The following SYNE2 variants were observed in gnomAD, a reference collection of about 807,000 sequenced individuals.
SYNE2 encodes the protein nesprin-2.
A neutral mutation model predicts 856.3 loss-of-function variants in SYNE2; 431 were observed. The observed-to-expected ratio is 0.50, with a 90% CI of 0.47 to 0.55. The LOEUF (loss-of-function observed/expected upper bound fraction) is 0.55. SYNE2 is among the 20% of genes least tolerant of loss of function. The probability of loss-of-function intolerance (pLI) is 0.00; values close to 1 mark genes in which losing one functional copy is unlikely to be tolerated. For synonymous variants in SYNE2, 2,923 were observed against 2,872.3 expected (o/e 1.02, Z -0.56); for missense variants, 8,129 against 8,023.2 (o/e 1.01, Z -0.50).
rs753252357 is a variant in SYNE2 at position 64,120,504 on chromosome 14, C to T, written c.13024-423C>T. ...GTAGGCTGGGTGTGGTGGCTCACGC[C>T]TGTAATCCCAGCCCTTTGGGAGGCT... is the stretch of plus-strand genomic sequence containing the variant. On this transcript the variant is annotated intron_variant, in intron 67 of 115. Transcript: ENST00000555002. Among the ~76,000 whole-genome samples the T allele has an allele frequency of 1.4e-4, 22 of 152,196 alleles. 1 individual carries two copies. The highest frequency in any genetic ancestry group is 2.5e-4 in the Non-Finnish European group (17 of 68,002).
At chr14:64,097,864 G>C in intron 61 of SYNE2, 85 bp from the exon 62 acceptor site, 1 of 1,354,014 alleles carries the variant, frequency 7.4e-7, no homozygotes, top group Non-Finnish European at 1.1e-6. Flanking sequence ...AAAATCTTCA[G>C]CCCTTGTACC....
At chr14:64,027,260 T>C (rs1435294866) in intron 42 of SYNE2, among the ~76,000 whole-genome samples, 3 of 152,216 alleles carry the variant, frequency 2.0e-5, no homozygotes, top group African/African-American at 7.2e-5. Flanking sequence ...GGTCAAATTA[T>C]GTAACAGAAA....
In SYNE2 at chr14:64,007,149, G is replaced by A; in HGVS notation, c.4504G>A (p.Glu1502Lys). 1 of 1,614,066 alleles carries A rather than the reference G, an allele frequency of 6.2e-7. No homozygotes were observed. Among genetic ancestry groups the A allele is most frequent in the South Asian group, 1.1e-5 (1 of 91,078 alleles). ...NSLPHFKDGR[E>K]KTVNQQCQNT... ...TCTTCCACACTTCAAAGATGGCAGA[G>A]AAAAAACCGTGAATCAACAGTGCCA... Residue 1502 changes from glutamate (E) to lysine (K), a missense_variant, in exon 31 of 116, where the codon GAA becomes AAA. By Grantham distance (56) the Glu-to-Lys change is moderately conservative. Coordinates refer to ENST00000555002, the MANE Select transcript of SYNE2 (RefSeq NM_182914.3).
Position 64,007,230 on chromosome 14 carries a change from A to T in SYNE2, c.4577+8A>T, listed in dbSNP as rs191666782. 2 of 1,613,432 alleles carry T rather than the reference A, an allele frequency of 1.2e-6. No individual in the cohort carries two copies. Among genetic ancestry groups the T allele is most frequent in the Admixed American group, 1.7e-5 (1 of 60,014 alleles). On this transcript the variant is annotated splice_region_variant and intron_variant, in intron 31 of 115. Transcript: ENST00000555002. ...AGCCTTGGTCACCGAATGGTAAGGA[A>T]AAAAAAGAATCCCTCTTGAATCTGA...
intron 32 of SYNE2, 83 bp from the exon 33 acceptor site, chr14:64,016,390 T>C: frequency 1.1e-6 from 1 of 916,124 alleles, no homozygotes; most frequent in East Asian, 2.7e-5. Context: ...GTTTTTAAGC[T>C]CAATATCCAA....
chr14:63,797,460 TA>T, intron 1 of SYNE2, among the ~76,000 whole-genome samples: 2 of 152,294 alleles, frequency 1.3e-5, no homozygotes, highest in South Asian at 4.1e-4. Flanking sequence ...GTTGACAAGT[TA>T]TTCAACTTGT....
In SYNE2 at chr14:63,925,144, A is replaced by AATAG. The variant is rs923893123; in HGVS notation, c.80-15456_80-15453dup. Among the ~76,000 whole-genome samples the AATAG allele has an allele frequency of 2.2e-4, 34 of 151,806 alleles. No individual in the cohort carries two copies. In the East Asian group the frequency reaches 6.6e-3, roughly 30 times the overall value. ...TGGTAAAAACCTGTCTCTAAAAATA[A>AATAG]ATAGATAGATAGATAGACAGATAGC... On this transcript the variant is annotated intron_variant, in intron 2 of 115. Transcript: ENST00000555002.
chr14:64,025,280 G>A lies in SYNE2; in HGVS notation c.6111G>A (p.Lys2037=), dbSNP rs2096969006. ...TAAGTGAAATCGAGGAAGAGGATAA[G>A]TTACTACCCACAGAGGACCAGAGCT... ...RQLSEIEEED[K]LLPTEDQSFN... Residue 2037 remains lysine (K), a synonymous_variant, in exon 41 of 116, where the codon AAG becomes AAA. Coordinates refer to ENST00000555002, the MANE Select transcript of SYNE2 (RefSeq NM_182914.3). 1 of 1,614,120 alleles carries A rather than the reference G, an allele frequency of 6.2e-7. No homozygotes were observed. Among genetic ancestry groups the A allele is most frequent in the East Asian group, 2.2e-5 (1 of 44,866 alleles).
intron 100 of SYNE2, among the ~76,000 whole-genome samples, chr14:64,203,735 G>T (rs2098590874): frequency 1.3e-5 from 2 of 152,110 alleles, no homozygotes; most frequent in Non-Finnish European, 2.9e-5. Context: ...CCTATGGGCA[G>T]ATTCTGTTTC....
intron 1 of SYNE2, among the ~76,000 whole-genome samples, chr14:63,900,537 C>A (rs1326642526): frequency 5.3e-5 from 8 of 152,132 alleles, no homozygotes; most frequent in Non-Finnish European, 8.8e-5. Flanking sequence ...CGCCATAATT[C>A]AATCACCCCC....
At chr14:63,920,257 T>C (rs143356366) in intron 2 of SYNE2, among the ~76,000 whole-genome samples, 27 of 151,832 alleles carry the variant, frequency 1.8e-4, no homozygotes, top group African/African-American at 5.6e-4. Flanking sequence ...CAAGACTTGG[T>C]ACTACGGAAG....
At chr14:63,975,577 G>A (rs933005521) in intron 11 of SYNE2, among the ~76,000 whole-genome samples, 6 of 152,082 alleles carry the variant, frequency 3.9e-5, no homozygotes, top group Non-Finnish European at 5.9e-5. Context: ...CAACTGATCC[G>A]CCTGCCTTGG....
At chr14:64,091,098 A>T (rs779298477) in intron 60 of SYNE2, 50 bp downstream of exon 60, 1 of 1,579,164 alleles carries the variant, frequency 6.3e-7, no homozygotes, top group Non-Finnish European at 8.7e-7. Context: ...ATGTTCACCA[A>T]AAGCTGGTTT....
chr14:63,825,112 G>A (rs1199197593), intron 1 of SYNE2, among the ~76,000 whole-genome samples: 1 of 151,990 alleles, frequency 6.6e-6, no homozygotes, highest in Non-Finnish European at 1.5e-5. Context: ...AAAAAAGTTA[G>A]GGACAGACAA....
intron 71 of SYNE2, among the ~76,000 whole-genome samples, chr14:64,125,451 T>C (rs1437927421): frequency 5.3e-5 from 8 of 152,160 alleles, no homozygotes; most frequent in Admixed American, 5.2e-4. Flanking sequence ...AGGATCATGA[T>C]TGATGAGTGC....
chr14:63,882,598 G>C (rs7143794), intron 1 of SYNE2, among the ~76,000 whole-genome samples: 63,061 of 151,628 alleles, frequency 0.42, 14,745 homozygotes, highest in South Asian at 0.55. Flanking sequence ...GGTGTCACAC[G>C]CCTGTGGTCC....
intron 31 of SYNE2, among the ~76,000 whole-genome samples, chr14:64,008,532 T>A (rs986960575): frequency 1.3e-5 from 2 of 152,248 alleles, no homozygotes; most frequent in African/African-American, 2.4e-5. Flanking sequence ...TCTTATTTTT[T>A]AAAAATATTT....
Position 64,098,769 on chromosome 14 carries a change from C to A in SYNE2, c.12329C>A (p.Ser4110Tyr). The A allele has an allele frequency of 6.2e-7, 1 of 1,614,072 alleles. No individual in the cohort carries two copies. Among genetic ancestry groups the A allele is most frequent in the Non-Finnish European group, 8.5e-7 (1 of 1,180,030 alleles). ...ERKLNRRGSM[S>Y]YLAAVEEEVE... is the part of the protein sequence containing the mutation. ...CAGTTGAACAGAAGAGGCTCCATGT[C>A]TTACCTGGCAGCAGTCGAGGAAGAG... Residue 4110 changes from serine to tyrosine, a missense_variant, in exon 63 of 116, where the codon TCT becomes TAT. Physicochemically the swap from Ser to Tyr is moderately radical, Grantham distance 144 (BLOSUM62 -2). Around this residue, in one of 3 missense-constraint regions of SYNE2, gnomAD observed 5,410 missense variants for 5,284.8 expected, o/e 1.02. Transcript: ENST00000555002.
rs373739189 is a variant in SYNE2 at position 64,212,798 on chromosome 14, C to T, written c.18862-13C>T. The T allele has an allele frequency of 2.8e-5, 45 of 1,613,590 alleles. No individual in the cohort carries two copies. The highest frequency in any genetic ancestry group is 3.3e-5 in the Admixed American group (2 of 60,010). On this transcript the variant is annotated splice_polypyrimidine_tract_variant and intron_variant, in intron 104 of 115. Coordinates refer to ENST00000555002, the MANE Select transcript of SYNE2 (RefSeq NM_182914.3). ...ACTTTCTTTGAAATCCTTTCTTTCT[C>T]CTCTCTCAACAGGGCTTCCAACAGG...
Sources: gnomAD v4.1 joint callset for allele counts (sites outside exome capture counted in the v4.1 genomes callset) on GRCh38, gnomAD v4.1.1 for gene constraint, gnomAD v4.1.1 regional missense constraint, MANE v1.5 for transcripts, NCBI Gene and HGNC (gene_info 2026-07-23, HGNC 2026-07-21) for gene names.